RAB11FIP2: variants seen among roughly 807,000 people sequenced by gnomAD.
RAB11FIP2 encodes the protein RAB11 family interacting protein 2.
RAB11FIP2 carries 16 observed loss-of-function variants against 40.9 expected under a neutral mutation model. The observed-to-expected ratio is 0.39, with a 90% CI of 0.26 to 0.59. The LOEUF (loss-of-function observed/expected upper bound fraction) is 0.59. RAB11FIP2 is among the 20% of genes least tolerant of loss of function. The pLI, the probability that RAB11FIP2 is intolerant of heterozygous loss-of-function variation, is 0.53. For synonymous variants in RAB11FIP2, 228 were observed against 213.7 expected (o/e 1.07, Z -0.58); for missense variants, 532 against 606.2 (o/e 0.88, Z 1.28).
At chr10:118,026,494 T>C (rs562269457) in intron 3 of RAB11FIP2, among the ~76,000 whole-genome samples, 70 of 152,318 alleles carry the variant, frequency 4.6e-4, no homozygotes, top group Middle Eastern at 3.4e-3. Context: ...CGAATCTTGG[T>C]TGGAAGAGAG....
At chr10:118,035,972 G>A (rs1846476384) in intron 3 of RAB11FIP2, among the ~76,000 whole-genome samples, 1 of 152,052 alleles carries the variant, frequency 6.6e-6, no homozygotes. Flanking sequence ...AAAACTATGG[G>A]ACCTATTCCA....
At chr10:118,026,632 A>T (rs1017893856) in intron 3 of RAB11FIP2, among the ~76,000 whole-genome samples, 2 of 152,194 alleles carry the variant, frequency 1.3e-5, no homozygotes, top group African/African-American at 2.4e-5. Flanking sequence ...TGCCTTCTTT[A>T]ACAATCTAAT....
At position 118,025,496 on chromosome 10, in the gene RAB11FIP2, T is replaced by C. The variant is rs184541702; in HGVS notation, c.1266-10386A>G. On this transcript the variant is annotated intron_variant, in intron 3 of 4. Coordinates refer to ENST00000355624, the MANE Select transcript of RAB11FIP2 (RefSeq NM_014904.3). The stretch of plus-strand genomic sequence containing the variant: ...TAAAATCACACTTAGAAACGCAGTT[T>C]TTCTGAGTTCATGTGCACCTCTTCC... 8.5e-5 allele frequency among the ~76,000 whole-genome samples: 13 copies of C among 152,296 alleles called. No individual in the cohort carries two copies. In the East Asian group the frequency reaches 2.1e-3, roughly 25 times the overall value.
At position 118,046,165 on chromosome 10, in the gene RAB11FIP2, C is replaced by T. The variant is rs1846631162; in HGVS notation, c.-2G>A. On this transcript the variant is annotated 5_prime_UTR_variant, in exon 1 of 5. Coordinates refer to ENST00000355624, the MANE Select transcript of RAB11FIP2 (RefSeq NM_014904.3). ...TTGGGCTTGCTCGGACAGCATCATC[C>T]TGTCCTGTTTCTCTGCCCCCGAGTT... 1 of 1,611,858 alleles carries T rather than the reference C, an allele frequency of 6.2e-7. No homozygotes were observed. The highest frequency in any genetic ancestry group is 8.5e-7 in the Non-Finnish European group (1 of 1,178,742).
Position 118,038,952 on chromosome 10 carries a change from T to C in RAB11FIP2, c.1265+20A>G. On this transcript the variant is annotated intron_variant, in intron 3 of 4. Transcript: ENST00000355624. ...ACAAGATTTTCCCAAATAGTAGAAC[T>C]TCCCCCATATTAAGCTTACCTTGAA... 6.7e-7 allele frequency: 1 copy of C among 1,491,264 alleles called. No individual in the cohort carries two copies. Among genetic ancestry groups the C allele is most frequent in the Non-Finnish European group, 9.1e-7 (1 of 1,104,292 alleles). The allele number at this position is 1,491,264 out of a possible 1,614,324, so 92.4% of individuals were successfully genotyped here.
At chr10:118,026,037 A>C (rs944652470) in intron 3 of RAB11FIP2, among the ~76,000 whole-genome samples, 2 of 152,206 alleles carry the variant, frequency 1.3e-5, no homozygotes, top group Admixed American at 6.5e-5. Flanking sequence ...TATCAACATA[A>C]CCCTCACAGA....
chr10:118,010,341 G>A (rs981224155), intron 4 of RAB11FIP2, among the ~76,000 whole-genome samples: 1 of 152,046 alleles, frequency 6.6e-6, no homozygotes, highest in African/African-American at 2.4e-5. Flanking sequence ...AAAATATTGA[G>A]GAAATTGGTT....
chr10:118,024,204 T>C (rs1846314509), intron 3 of RAB11FIP2, among the ~76,000 whole-genome samples: 1 of 152,046 alleles, frequency 6.6e-6, no homozygotes, highest in South Asian at 2.1e-4. Context: ...CCTTTAAAAC[T>C]AAGCTTCTCA....
intron 3 of RAB11FIP2, among the ~76,000 whole-genome samples, chr10:118,016,703 C>G (rs1037278485): frequency 6.6e-6 from 1 of 152,160 alleles, no homozygotes; most frequent in Non-Finnish European, 1.5e-5. Context: ...TCAGGCCCGA[C>G]AGCATACAAG....
intron 3 of RAB11FIP2, chr10:118,033,906 G>C: frequency 1.4e-6 from 1 of 698,536 alleles, no homozygotes. Context: ...TTATCATTTG[G>C]ACAAGGGCCA....
At chr10:118,026,982 TTTTA>T (rs751561634) in intron 3 of RAB11FIP2, among the ~76,000 whole-genome samples, 1 of 152,176 alleles carries the variant, frequency 6.6e-6, no homozygotes, top group Admixed American at 6.5e-5. Context: ...TAAATTCTAC[TTTTA>T]TTTAAGTTTT....
intron 3 of RAB11FIP2, among the ~76,000 whole-genome samples, chr10:118,022,360 G>A (rs1187596947): frequency 3.9e-5 from 6 of 152,062 alleles, no homozygotes; most frequent in Admixed American, 2.0e-4. Context: ...TGAATATGGC[G>A]TTCTCAAGCT....
intron 3 of RAB11FIP2, among the ~76,000 whole-genome samples, chr10:118,025,271 T>G (rs1288786833): frequency 6.6e-6 from 1 of 152,222 alleles, no homozygotes; most frequent in Non-Finnish European, 1.5e-5. Context: ...TCAGTCAGCT[T>G]TTAAAAATGT....
chr10:118,013,106 T>C (rs1181931647), intron 4 of RAB11FIP2, among the ~76,000 whole-genome samples: 1 of 152,012 alleles, frequency 6.6e-6, no homozygotes, highest in African/African-American at 2.4e-5. Context: ...TATTTAAATT[T>C]AAACAAAAGC....
intron 3 of RAB11FIP2, among the ~76,000 whole-genome samples, chr10:118,029,893 A>C (rs1686606074): frequency 6.6e-6 from 1 of 152,168 alleles, no homozygotes; most frequent in Non-Finnish European, 1.5e-5. Flanking sequence ...GGAATATAAA[A>C]TCTCAGACTT....
chr10:118,033,171 C>T (rs953265156), intron 3 of RAB11FIP2, among the ~76,000 whole-genome samples: 1 of 152,000 alleles, frequency 6.6e-6, no homozygotes, highest in Non-Finnish European at 1.5e-5. Flanking sequence ...GTAGGAGGAC[C>T]ACTGTAGGTG....
In RAB11FIP2 at chr10:118,040,217, G is replaced by A; in HGVS notation, c.702C>T (p.Ser234=). The change falls in exon 2 of 5, where the codon TCC becomes TCT. Residue 234 remains serine, a synonymous_variant. Coordinates refer to ENST00000355624, the MANE Select transcript of RAB11FIP2 (RefSeq NM_014904.3). ...CCTTCAGTTTCTCAGAAGACATATG[G>A]GACCCAGATAAATCAGACATTGAAT... ...SAHSMSDLSG[S]HMSSEKLKAG... 6.2e-7 allele frequency: 1 copy of A among 1,613,766 alleles called. No individual in the cohort carries two copies. The highest frequency in any genetic ancestry group is 1.1e-5 in the South Asian group (1 of 91,066).
chr10:118,043,975 A>G (rs1001856361), intron 1 of RAB11FIP2, among the ~76,000 whole-genome samples: 4 of 152,222 alleles, frequency 2.6e-5, no homozygotes, highest in Non-Finnish European at 5.9e-5. Context: ...GGGTTTAGCA[A>G]TATATGAAAA....
chr10:118,035,511 G>C (rs777449640), intron 3 of RAB11FIP2, among the ~76,000 whole-genome samples: 1 of 152,168 alleles, frequency 6.6e-6, no homozygotes, highest in Admixed American at 6.5e-5. Flanking sequence ...CTAACGGAAT[G>C]AGAGTAGCAT....
Sources: gnomAD v4.1 joint callset for allele counts (sites outside exome capture counted in the v4.1 genomes callset) on GRCh38, gnomAD v4.1.1 for gene constraint, MANE v1.5 for transcripts, NCBI Gene and HGNC (gene_info 2026-07-23, HGNC 2026-07-21) for gene names.